GREB1L: variants seen among roughly 807,000 people sequenced by gnomAD.
GREB1L encodes the protein GREB1-like protein.
Under a neutral mutation model 200.8 loss-of-function variants are expected in GREB1L, and 17 were observed. The ratio of observed to expected loss-of-function variants is 0.08; its 90% CI spans 0.06 to 0.13. The LOEUF (loss-of-function observed/expected upper bound fraction) is 0.13. Ranked by LOEUF, GREB1L falls within the 10% of genes least tolerant of loss-of-function variation. GREB1L has a pLI of 1.00. For synonymous variants in GREB1L, 789 were observed against 893.0 expected, an observed-to-expected ratio of 0.88 and a Z score of 2.08; for missense variants, 1,657 against 2,367.7, an observed-to-expected ratio of 0.70 and a Z score of 6.23.
intron 19 of GREB1L, among the ~76,000 whole-genome samples, chr18:21,492,167 A>C (rs1212037134): frequency 6.6e-6 from 1 of 151,992 alleles, no homozygotes; most frequent in African/African-American, 2.4e-5. Context: ...TAACACGGTG[A>C]AACCCTGTCT....
chr18:21,463,169 G>A (rs1322900909), intron 15 of GREB1L, among the ~76,000 whole-genome samples: 10 of 121,530 alleles, frequency 8.2e-5, no homozygotes, highest in Non-Finnish European at 1.2e-4. Context: ...TTTTTGAGAT[G>A]GAGTCTCGCT....
intron 1 of GREB1L, among the ~76,000 whole-genome samples, chr18:21,330,184 G>A (rs1242435606): frequency 2.0e-5 from 3 of 152,208 alleles, no homozygotes; most frequent in Non-Finnish European, 4.4e-5. Flanking sequence ...GCCAGGCAGT[G>A]GCAGTCTGTC....
chr18:21,432,382 C>T (rs1259190067), intron 7 of GREB1L, among the ~76,000 whole-genome samples: 1 of 151,994 alleles, frequency 6.6e-6, no homozygotes, highest in East Asian at 1.9e-4. Context: ...ATAATTTGGC[C>T]TCTTCCATAT....
intron 1 of GREB1L, among the ~76,000 whole-genome samples, chr18:21,340,051 C>T (rs1320543969): frequency 1.3e-5 from 2 of 152,202 alleles, no homozygotes; most frequent in African/African-American, 2.4e-5. Context: ...CTCCTCGCCC[C>T]CACCCGCAGG....
intron 1 of GREB1L, among the ~76,000 whole-genome samples, chr18:21,346,484 T>A (rs770240113): frequency 1.3e-5 from 2 of 151,954 alleles, no homozygotes; most frequent in Non-Finnish European, 2.9e-5. Context: ...CCATCTTTCT[T>A]TCCTAACATG....
intron 7 of GREB1L, among the ~76,000 whole-genome samples, chr18:21,406,537 T>G (rs920132803): frequency 6.6e-6 from 1 of 152,256 alleles, no homozygotes; most frequent in African/African-American, 2.4e-5. Context: ...AATTTCTTTC[T>G]TCTGACACTT....
chr18:21,523,603 T>TC lies in GREB1L; in HGVS notation c.*782_*783insC, dbSNP rs2037638341. 6.6e-6 allele frequency: 1 copy of TC among 152,224 alleles called. No homozygotes were observed. Among genetic ancestry groups the TC allele is most frequent in the Non-Finnish European group, 1.5e-5 (1 of 68,046 alleles). 9.4% of individuals were successfully genotyped at this position (152,224 alleles called of 1,614,324 possible). Reference sequence around the variant, plus strand: ...GAGACTATGGAACAGTGATTAATCTTTTGCAAGAACTTAAGTCAGTTAAGA... The same window carrying TC: ...GAGACTATGGAACAGTGATTAATCTTCTTGCAAGAACTTAAGTCAGTTAAGA... On this transcript the variant is annotated 3_prime_UTR_variant, in exon 33 of 33. Transcript: ENST00000424526.
At chr18:21,397,061 A>G (rs2041095278) in intron 5 of GREB1L, among the ~76,000 whole-genome samples, 1 of 152,202 alleles carries the variant, frequency 6.6e-6, no homozygotes, top group Non-Finnish European at 1.5e-5. Flanking sequence ...TAGTGTCATC[A>G]GAAAGTCTAG....
Position 21,525,122 on chromosome 18 carries a change from C to T in GREB1L, c.*2301C>T, listed in dbSNP as rs1204260131. 1 of 151,888 alleles carries T rather than the reference C, an allele frequency of 6.6e-6. No individual in the cohort carries two copies. The highest frequency in any genetic ancestry group is 1.5e-5 in the Non-Finnish European group (1 of 67,998). The allele number at this position is 151,888 out of a possible 1,614,324, so 9.4% of individuals were successfully genotyped here. Reference sequence around the variant, plus strand: ...CCCACACAGTAACTCACCTGTAGACCTGCTGAACCTCAGCATGTATGACAG... The same window carrying T: ...CCCACACAGTAACTCACCTGTAGACTTGCTGAACCTCAGCATGTATGACAG... On this transcript the variant is annotated 3_prime_UTR_variant, in exon 33 of 33. Coordinates refer to ENST00000424526, the MANE Select transcript of GREB1L (RefSeq NM_001142966.3).
At chr18:21,449,879 C>A in intron 12 of GREB1L, 43 bp downstream of exon 12, 1 of 1,371,440 alleles carries the variant, frequency 7.3e-7, no homozygotes. Context: ...TCAATTCATT[C>A]GACCATTTTT....
At chr18:21,258,606 A>G (rs2037839203) in intron 1 of GREB1L, among the ~76,000 whole-genome samples, 1 of 152,238 alleles carries the variant, frequency 6.6e-6, no homozygotes, top group Non-Finnish European at 1.5e-5. Context: ...CACAAGACCC[A>G]TGCCCTTTGG....
chr18:21,463,003 A>G (rs774696786), intron 15 of GREB1L, among the ~76,000 whole-genome samples: 12 of 152,126 alleles, frequency 7.9e-5, no homozygotes, highest in Non-Finnish European at 1.3e-4. Flanking sequence ...GACATATCCT[A>G]TGGGGAAAAA....
Position 21,441,425 on chromosome 18 carries a change from A to G in GREB1L, c.1095A>G (p.Pro365=). The stretch of plus-strand genomic sequence containing the variant: ...AGCCCCTTTTATCTGCCCCAGTTCC[A>G]CAGACCCCACTAACTGGAATTTTAC... The part of the protein sequence containing the change: ...RTEPLLSAPV[P]QTPLTGILQP... The change falls in exon 10 of 33, where the codon CCA becomes CCG. Residue 365 remains proline (P), a synonymous_variant. Transcript: ENST00000424526. The G allele has an allele frequency of 6.5e-7, 1 of 1,549,200 alleles. No individual in the cohort carries two copies. The highest frequency in any genetic ancestry group is 1.2e-5 in the South Asian group (1 of 83,368).
chr18:21,464,086 G>A (rs1343828232), intron 15 of GREB1L, among the ~76,000 whole-genome samples: 2 of 152,138 alleles, frequency 1.3e-5, no homozygotes, highest in Admixed American at 6.5e-5. Flanking sequence ...AGGAACAGGA[G>A]AAGTGAGAGG....
chr18:21,454,793 A>AT, intron 15 of GREB1L: 1 of 541,540 alleles, frequency 1.8e-6, no homozygotes, highest in South Asian at 2.0e-5. Context: ...GCCAGGTATC[A>AT]TTAAGTTCAT....
At chr18:21,438,960 C>CA (rs59125788) in intron 7 of GREB1L, among the ~76,000 whole-genome samples, 17,305 of 64,178 alleles carry the variant, frequency 0.27, 2,168 homozygotes, top group East Asian at 0.49. Flanking sequence ...GACTCTGTCT[C>CA]AAAAAAAAAA....
chr18:21,481,134 G>A (rs2035897654), intron 17 of GREB1L, among the ~76,000 whole-genome samples: 1 of 152,170 alleles, frequency 6.6e-6, no homozygotes, highest in Non-Finnish European at 1.5e-5. Flanking sequence ...GGGAGTTGAA[G>A]TGAGGGAGGA....
intron 11 of GREB1L, among the ~76,000 whole-genome samples, chr18:21,448,495 G>T (rs113574707): frequency 6.6e-6 from 1 of 152,116 alleles, no homozygotes; most frequent in African/African-American, 2.4e-5. Context: ...CTCATTTGTG[G>T]TGCCTCCTTC....
At chr18:21,315,297 C>G (rs769956707) in intron 1 of GREB1L, among the ~76,000 whole-genome samples, 1 of 152,012 alleles carries the variant, frequency 6.6e-6, no homozygotes, top group African/African-American at 2.4e-5. Context: ...CACTATGTTG[C>G]GCAGGCTGGT....
Sources: gnomAD v4.1 joint callset for allele counts (sites outside exome capture counted in the v4.1 genomes callset) on GRCh38, gnomAD v4.1.1 for gene constraint, MANE v1.5 for transcripts, NCBI Gene and HGNC (gene_info 2026-07-23, HGNC 2026-07-21) for gene names.